Variants in SLC15A1 observed in about 807,000 individuals in gnomAD.
SLC15A1 encodes solute carrier family 15 member 1, also known as Caco-2 oligopeptide transporter.
SLC15A1 carries 83 observed loss-of-function variants against 92.9 expected under a neutral mutation model. The observed-to-expected ratio is 0.89, with a 90% CI of 0.75 to 1.07. The LOEUF is 1.07. Among genes scored for constraint, SLC15A1 ranks in the 50% least tolerant of loss-of-function variants. The pLI is 0.00. For missense variants in SLC15A1, 857 were observed against 880.1 expected (o/e 0.97, Z 0.33); for synonymous variants, 322 against 318.2 (o/e 1.01, Z -0.13).
At chr13:98,698,924 GA>G (rs2088044874) in intron 18 of SLC15A1, among the ~76,000 whole-genome samples, 1 of 152,070 alleles carries the variant, frequency 6.6e-6, no homozygotes, top group Admixed American at 6.6e-5. Flanking sequence ...ACGTTGAGGT[GA>G]ACAGGATACC....
chr13:98,697,119 G>A (rs1229444366), intron 18 of SLC15A1, among the ~76,000 whole-genome samples: 3 of 152,156 alleles, frequency 2.0e-5, no homozygotes, highest in Admixed American at 6.5e-5. Context: ...GCAGTGCCGC[G>A]ATCTTGGCTC....
chr13:98,703,539 C>CTTTTTTTTTTTTTTTT (rs771426478), intron 17 of SLC15A1, among the ~76,000 whole-genome samples: 1 of 85,540 alleles, frequency 1.2e-5, no homozygotes, highest in African/African-American at 6.6e-5. Flanking sequence ...GCTGCTGCTG[C>CTTTTTTTTTTTTTTTT]TTTTTTTTTT....
chr13:98,712,379 G>A (rs1362999534), intron 10 of SLC15A1, 119 bp downstream of exon 10: 7 of 747,594 alleles, frequency 9.4e-6, no homozygotes, highest in African/African-American at 1.8e-5. Flanking sequence ...TTAATATGCT[G>A]TAAAGGTTAG....
At position 98,706,191 on chromosome 13, in the gene SLC15A1, G is replaced by A. The variant is rs1260944361; in HGVS notation, c.1212C>T (p.Asn404=). ...CAGGAAGAGATATATTCATGGTATT[G>A]TTTCCTATATTCAAAACTTTAATTT... ...EVQIKVLNIG[N]NTMNISLPGE... is the part of the protein sequence containing the mutation. Residue 404 remains asparagine, a synonymous_variant, in exon 16 of 23, where the codon AAC becomes AAT. Coordinates refer to ENST00000376503, the MANE Select transcript of SLC15A1 (RefSeq NM_005073.4). 6 of 1,613,338 alleles carry A rather than the reference G, an allele frequency of 3.7e-6. No homozygotes were observed. The highest frequency in any genetic ancestry group is 1.7e-5 in the Admixed American group (1 of 59,954).
At chr13:98,750,134 C>T (rs1052850718) in intron 1 of SLC15A1, among the ~76,000 whole-genome samples, 23 of 151,384 alleles carry the variant, frequency 1.5e-4, no homozygotes, top group African/African-American at 3.2e-4. Flanking sequence ...TTTTTTGAGA[C>T]GGAGTTTCAC....
chr13:98,739,337 G>T (rs942023600), intron 1 of SLC15A1, among the ~76,000 whole-genome samples: 1 of 152,156 alleles, frequency 6.6e-6, no homozygotes, highest in Non-Finnish European at 1.5e-5. Flanking sequence ...ATGTGAGAGG[G>T]ACAAGAAATT....
chr13:98,744,690 A>C (rs1407566958), intron 1 of SLC15A1, among the ~76,000 whole-genome samples: 1 of 137,752 alleles, frequency 7.3e-6, no homozygotes, highest in African/African-American at 2.7e-5. Flanking sequence ...CAGAGGTTGC[A>C]GTGAGCCGAG....
At chr13:98,707,909 A>T (rs1318355995) in intron 15 of SLC15A1, among the ~76,000 whole-genome samples, 4 of 147,036 alleles carry the variant, frequency 2.7e-5, no homozygotes, top group African/African-American at 7.8e-5. Flanking sequence ...AAAAAAAAAA[A>T]AAAAAAAAAA....
chr13:98,751,204 T>G (rs2088543548), intron 1 of SLC15A1, among the ~76,000 whole-genome samples: 1 of 152,226 alleles, frequency 6.6e-6, no homozygotes, highest in Non-Finnish European at 1.5e-5. Context: ...AACTTTTTTG[T>G]TGCTATTCAC....
chr13:98,715,476 T>A (rs1032353354), intron 9 of SLC15A1, among the ~76,000 whole-genome samples: 3 of 152,142 alleles, frequency 2.0e-5, no homozygotes, highest in African/African-American at 7.2e-5. Flanking sequence ...CCTAGCCTAT[T>A]TTCTTACTCT....
intron 1 of SLC15A1, among the ~76,000 whole-genome samples, chr13:98,727,524 T>C (rs1566455129): frequency 6.6e-6 from 1 of 152,196 alleles, no homozygotes; most frequent in South Asian, 2.1e-4. Flanking sequence ...GGGGGTTATG[T>C]CACAAGAATG....
intron 2 of SLC15A1, 156 bp downstream of exon 2, chr13:98,726,687 A>G (rs1213656587): frequency 1.3e-4 from 104 of 804,280 alleles, no homozygotes; most frequent in Admixed American, 2.1e-5. Context: ...TATCCACAGC[A>G]TTTCCTCAGG....
chr13:98,698,533 A>C (rs986420194), intron 18 of SLC15A1, among the ~76,000 whole-genome samples: 1 of 152,130 alleles, frequency 6.6e-6, no homozygotes, highest in Non-Finnish European at 1.5e-5. Context: ...CCGCCTCCAC[A>C]AATGTTCAAG....
At position 98,709,593 on chromosome 13, in the gene SLC15A1, G is replaced by T; in HGVS notation, c.1046C>A (p.Ala349Glu). 6.2e-7 allele frequency: 1 copy of T among 1,614,154 alleles called. No individual in the cohort carries two copies. The highest frequency in any genetic ancestry group is 1.3e-5 in the African/African-American group (1 of 75,042). ...CTACGTGAAATTGAAGCCACATTTTGCAATGAGAGGGTACAGCACAGCATC... is the reference window on the plus strand; with the variant it reads ...CTACGTGAAATTGAAGCCACATTTTTCAATGAGAGGGTACAGCACAGCATC... ...IFDAVLYPLIAKCGFNFTSLK... is the reference protein window; with the variant it reads ...IFDAVLYPLIEKCGFNFTSLK... Residue 349 changes from alanine (A) to glutamate (E), a missense_variant, in exon 14 of 23, where the codon GCA becomes GAA. By Grantham distance (107) the Ala-to-Glu change is moderately radical. Coordinates refer to ENST00000376503, the MANE Select transcript of SLC15A1 (RefSeq NM_005073.4).
At chr13:98,723,798 G>T in intron 5 of SLC15A1, 114 bp downstream of exon 5, 1 of 1,443,400 alleles carries the variant, frequency 6.9e-7, no homozygotes, top group African/African-American at 1.4e-5. Context: ...GCCCAAGGGG[G>T]AGGAAAAACC....
At chr13:98,744,165 A>G (rs1446649578) in intron 1 of SLC15A1, among the ~76,000 whole-genome samples, 5 of 145,466 alleles carry the variant, frequency 3.4e-5, no homozygotes, top group Non-Finnish European at 7.5e-5. Context: ...TGCTTAAGCC[A>G]GGGAGGTCAA....
chr13:98,719,255 G>T lies in SLC15A1; in HGVS notation c.622C>A (p.Leu208Ile). 6.2e-7 allele frequency: 1 copy of T among 1,613,544 alleles called. No individual in the cohort carries two copies. Among genetic ancestry groups the T allele is most frequent in the South Asian group, 1.1e-5 (1 of 91,044 alleles). ...CACTTACTCAGGGCTACAGCCATGAGAGCAGCAGGAACCCCAAAGGCCAGT... is the reference window on the plus strand; with the variant it reads ...CACTTACTCAGGGCTACAGCCATGATAGCAGCAGGAACCCCAAAGGCCAGT... ...YPLAFGVPAA[L>I]MAVALIVFVL... is the part of the protein sequence containing the mutation. Residue 208 changes from leucine (L) to isoleucine (I), a missense_variant, in exon 8 of 23, where the codon CTC becomes ATC. Coordinates refer to ENST00000376503, the MANE Select transcript of SLC15A1 (RefSeq NM_005073.4).
At position 98,708,697 on chromosome 13, in the gene SLC15A1, C is replaced by T; in HGVS notation, c.1138G>A (p.Val380Met). The change falls in exon 15 of 23, where the codon GTG becomes ATG. Residue 380 changes from valine to methionine, a missense_variant. Transcript: ENST00000376503. ...MAFVVAAIVQVEIDKTLPVFP... is the reference protein window; with the variant it reads ...MAFVVAAIVQMEIDKTLPVFP... Reference sequence around the variant, plus strand: ...AGGGGACAACTCACATCGATTTCCACCTGCACGATGGCAGCCACCACAAAG... The same window carrying T: ...AGGGGACAACTCACATCGATTTCCATCTGCACGATGGCAGCCACCACAAAG... The T allele has an allele frequency of 1.2e-6, 2 of 1,613,370 alleles. No homozygotes were observed. The highest frequency in any genetic ancestry group is 1.7e-6 in the Non-Finnish European group (2 of 1,179,770).
At chr13:98,691,113 G>A (rs1566442871) in intron 18 of SLC15A1, among the ~76,000 whole-genome samples, 5 of 151,830 alleles carry the variant, frequency 3.3e-5, no homozygotes, top group East Asian at 1.9e-4. Flanking sequence ...GTGCGATCTC[G>A]GCTCACTGCA....
Sources: gnomAD v4.1 joint callset for allele counts (sites outside exome capture counted in the v4.1 genomes callset) on GRCh38, gnomAD v4.1.1 for gene constraint, MANE v1.5 for transcripts, NCBI Gene and HGNC (gene_info 2026-07-23, HGNC 2026-07-21) for gene names.